Variants in KLK5 observed in about 807,000 individuals in gnomAD.
The protein encoded by KLK5 is kallikrein-5.
A neutral mutation model predicts 24.0 loss-of-function variants in KLK5; 18 were observed. That is an observed-to-expected ratio of 0.75 (90% CI 0.52 to 1.11). The LOEUF is 1.11. KLK5 is among the 50% of genes most tolerant of loss of function. KLK5 has a pLI of 0.00. For synonymous variants in KLK5, 140 were observed against 154.0 expected (o/e 0.91, Z 0.67); for missense variants, 374 against 379.2 (o/e 0.99, Z 0.11).
At chr19:50,945,746 G>C (rs2090626304) in intron 5 of KLK5, among the ~76,000 whole-genome samples, 1 of 146,774 alleles carries the variant, frequency 6.8e-6, no homozygotes, top group African/African-American at 2.5e-5. Context: ...AGCTGATATG[G>C]TGCCATTGCA....
chr19:50,952,923 G>T lies in KLK5; in HGVS notation c.-188C>A, dbSNP rs2090700988. Reference sequence around the variant, plus strand: ...AGACACCTCTCCTTCCCTGCCTGCTGAGCCACCCTCACCAGGTCTCACTTG... The same window carrying T: ...AGACACCTCTCCTTCCCTGCCTGCTTAGCCACCCTCACCAGGTCTCACTTG... On this transcript the variant is annotated 5_prime_UTR_variant, in exon 1 of 6. Transcript: ENST00000336334. The T allele has an allele frequency of 1.5e-5, 5 of 333,936 alleles. No homozygotes were observed. The East Asian group carries it at 2.5e-4, about 17-fold the overall frequency. The allele number at this position is 333,936 out of a possible 1,614,324, so 20.7% of individuals were successfully genotyped here.
At chr19:50,949,554 C>A (rs2090665330) in intron 3 of KLK5, among the ~76,000 whole-genome samples, 1 of 151,832 alleles carries the variant, frequency 6.6e-6, no homozygotes, top group Non-Finnish European at 1.5e-5. Flanking sequence ...TGCTCCTAAC[C>A]CCAAATCCAA....
intron 3 of KLK5, among the ~76,000 whole-genome samples, chr19:50,949,575 G>C (rs1478493656): frequency 2.0e-5 from 3 of 150,950 alleles, no homozygotes; most frequent in Non-Finnish European, 4.4e-5. Flanking sequence ...CCCATCCTTG[G>C]CTCCTTCCCA....
chr19:50,951,550 G>C (rs1194703997), intron 2 of KLK5, among the ~76,000 whole-genome samples: 1 of 152,140 alleles, frequency 6.6e-6, no homozygotes, highest in Non-Finnish European at 1.5e-5. Flanking sequence ...GGGATTACAG[G>C]CGTGAGCCAC....
chr19:50,946,751 G>A (rs1327729968), intron 5 of KLK5, among the ~76,000 whole-genome samples: 1 of 151,806 alleles, frequency 6.6e-6, no homozygotes, highest in Non-Finnish European at 1.5e-5. Context: ...AGTAGAGACA[G>A]GGTTTCACCG....
In KLK5 at chr19:50,943,747, G is replaced by T. The variant is rs376478781; in HGVS notation, c.766C>A (p.Gln256Lys). ...TAATCTCCCCAGGACACGAGTCCCT[G>T]CAGGGAGCCATTGCAGACCACAGGC... is the stretch of plus-strand genomic sequence containing the variant. ...GGPVVCNGSLQGLVSWGDYPC... is the reference protein window; with the variant it reads ...GGPVVCNGSLKGLVSWGDYPC... Residue 256 changes from glutamine to lysine, a missense_variant, in exon 6 of 6, where the codon CAG becomes AAG. Physicochemically the swap from Gln to Lys is moderately conservative, Grantham distance 53 (BLOSUM62 1). Coordinates refer to ENST00000336334, the MANE Select transcript of KLK5 (RefSeq NM_012427.5). The T allele has an allele frequency of 5.0e-6, 8 of 1,613,886 alleles. No individual in the cohort carries two copies. The highest frequency in any genetic ancestry group is 1.3e-5 in the African/African-American group (1 of 75,012).
chr19:50,946,721 G>A (rs1021121607), intron 5 of KLK5, among the ~76,000 whole-genome samples: 4 of 151,980 alleles, frequency 2.6e-5, no homozygotes, highest in South Asian at 4.2e-4. Context: ...CACCACGCCC[G>A]GCTAATTTTT....
rs56310221 is a variant in KLK5, at chr19:50,949,745, C to A, written c.335+110G>T. On this transcript the variant is annotated intron_variant, in intron 3 of 5. Transcript: ENST00000336334. The stretch of plus-strand genomic sequence containing the variant: ...ACCTTCCATGACACCCCCAACCCCA[C>A]TTCCCCGTCCCCACCAGCCCTCACC... The A allele has an allele frequency of 5.5e-3, 3,328 of 606,330 alleles. 189 individuals carry two copies. The African/African-American group carries it at 0.065, about 12-fold the overall frequency. The allele number at this position is 606,330 out of a possible 1,614,324, so 37.6% of individuals were successfully genotyped here. A position where few individuals can be genotyped will look rare whatever the true frequency, so the allele number is the denominator to read the frequency against.
chr19:50,949,545 G>A (rs936260059), intron 3 of KLK5, among the ~76,000 whole-genome samples: 63 of 149,714 alleles, frequency 4.2e-4, no homozygotes, highest in Admixed American at 5.3e-4. Context: ...ACAAATATAT[G>A]CTCCTAACCC....
chr19:50,946,980 G>C lies in KLK5; in HGVS notation c.726+1660C>G, dbSNP rs546584986. Reference sequence around the variant, plus strand: ...GCATTTGTCAGGTTTGTACAATTTGGGGGGAGCTTTTCATAGCCATGGGAC... The same window carrying C: ...GCATTTGTCAGGTTTGTACAATTTGCGGGGAGCTTTTCATAGCCATGGGAC... On this transcript the variant is annotated intron_variant, in intron 5 of 5. Coordinates refer to ENST00000336334, the MANE Select transcript of KLK5 (RefSeq NM_012427.5). Among the ~76,000 whole-genome samples, 9 of 152,048 alleles carry C rather than the reference G, an allele frequency of 5.9e-5. No homozygotes were observed. The South Asian group carries it at 6.2e-4, about 11-fold the overall frequency.
chr19:50,946,335 C>T (rs2090633571), intron 5 of KLK5, among the ~76,000 whole-genome samples: 1 of 152,132 alleles, frequency 6.6e-6, no homozygotes, highest in South Asian at 2.1e-4. Flanking sequence ...CAGTGTCCAG[C>T]AATTAGCCAG....
chr19:50,949,739 A>ACCCCCCCTCCCCCCCCCC, intron 3 of KLK5, 116 bp downstream of exon 3: 8 of 432,324 alleles, frequency 1.9e-5, no homozygotes, highest in South Asian at 7.2e-5. Context: ...GACACCCCCA[A>ACCCCCCCTCCCCCCCCCC]CCCCACTTCC....
rs370763867 is a variant in KLK5, at chr19:50,948,754, G to A, written c.612C>T (p.Leu204=). 16 of 1,614,006 alleles carry A rather than the reference G, an allele frequency of 9.9e-6. No homozygotes were observed. In the African/African-American group the frequency reaches 1.9e-4, roughly 19 times the overall value. Residue 204 remains leucine (L), a synonymous_variant, in exon 5 of 6, where the codon CTC becomes CTT. Coordinates refer to ENST00000336334, the MANE Select transcript of KLK5 (RefSeq NM_012427.5). ...TTAGCACGCTGATATTCAAGCACTGGAGGACCTTAGGGAAGTGCACTGTCA... is the reference window on the plus strand; with the variant it reads ...TTAGCACGCTGATATTCAAGCACTGAAGGACCTTAGGGAAGTGCACTGTCA... ...KSPQVHFPKV[L]QCLNISVLSQ... is the part of the protein sequence containing the mutation.
At chr19:50,949,182 C>A in intron 3 of KLK5, 67 bp from the exon 4 acceptor site, 2 of 1,531,400 alleles carry the variant, frequency 1.3e-6, no homozygotes, top group Non-Finnish European at 1.8e-6. Context: ...CCAATCCCAA[C>A]CCCACACCCA....
At chr19:50,944,070 C>T (rs2090610886) in intron 5 of KLK5, among the ~76,000 whole-genome samples, 2 of 151,972 alleles carry the variant, frequency 1.3e-5, no homozygotes, top group South Asian at 2.1e-4. Flanking sequence ...GTGGCCTGAC[C>T]TCAGCTCACT....
chr19:50,945,454 A>C (rs1225724137), intron 5 of KLK5, among the ~76,000 whole-genome samples: 1 of 151,730 alleles, frequency 6.6e-6, no homozygotes, highest in Non-Finnish European at 1.5e-5. Flanking sequence ...TTATGAAGAA[A>C]ATGAAAAGTA....
At chr19:50,944,571 C>T (rs2090614827) in intron 5 of KLK5, among the ~76,000 whole-genome samples, 1 of 152,146 alleles carries the variant, frequency 6.6e-6, no homozygotes, top group Non-Finnish European at 1.5e-5. Context: ...ACCAACCCAT[C>T]CTTATACCTC....
intron 5 of KLK5, among the ~76,000 whole-genome samples, chr19:50,945,723 G>A (rs867377090): frequency 1.4e-4 from 22 of 151,914 alleles, no homozygotes; most frequent in East Asian, 3.9e-4. Context: ...CCCAGGAGGC[G>A]CATGCTGCAG....
Position 50,950,017 on chromosome 19 carries a change from G to A in KLK5, c.173C>T (p.Ala58Val). 2 of 1,613,628 alleles carry A rather than the reference G, an allele frequency of 1.2e-6. No homozygotes were observed. Among genetic ancestry groups the A allele is most frequent in the Non-Finnish European group, 1.7e-6 (2 of 1,179,918 alleles). The change falls in exon 3 of 6, where the codon GCC (alanine) becomes GTC (valine). Residue 58 changes from alanine (A) to valine (V), a missense_variant. Physicochemically the swap from Ala to Val is moderately conservative, Grantham distance 64. Coordinates refer to ENST00000336334, the MANE Select transcript of KLK5 (RefSeq NM_012427.5). ...GCGGCTGCTGCTGTCATCCGACCGGGCGTCTTCCCCGGCCCCAGCTCCCAG... is the reference window on the plus strand; with the variant it reads ...GCGGCTGCTGCTGTCATCCGACCGGACGTCTTCCCCGGCCCCAGCTCCCAG... Reference protein sequence around the residue: ...QDLGAGAGEDARSDDSSSRII... With the variant: ...QDLGAGAGEDVRSDDSSSRII...
Sources: allele counts gnomAD v4.1 joint callset (sites outside exome capture counted in the v4.1 genomes callset), GRCh38; gene constraint gnomAD v4.1.1; transcripts MANE v1.5; gene names NCBI Gene and HGNC (gene_info 2026-07-23, HGNC 2026-07-21).